Variants in PSMD12 observed in about 807,000 individuals in gnomAD.
PSMD12 encodes proteasome 26S subunit, non-ATPase 12.
PSMD12 carries 8 observed loss-of-function variants against 62.9 expected under a neutral mutation model. That is an observed-to-expected ratio of 0.13 (90% CI 0.07 to 0.23). The LOEUF (loss-of-function observed/expected upper bound fraction) is 0.23. Ranked by LOEUF, PSMD12 falls within the 10% of genes least tolerant of loss-of-function variation. PSMD12 has a pLI of 1.00. For synonymous variants in PSMD12, 173 were observed against 187.4 expected, an observed-to-expected ratio of 0.92 and a Z score of 0.63; for missense variants, 424 against 550.2, an observed-to-expected ratio of 0.77 and a Z score of 2.29.
chr17:67,342,191 C>T lies in PSMD12; in HGVS notation c.1156G>A (p.Val386Ile), dbSNP rs749026413. The change falls in exon 10 of 11, where the codon GTT becomes ATT. Residue 386 changes from valine to isoleucine, a missense_variant. Val to Ile is a conservative substitution (Grantham distance 29). Coordinates refer to ENST00000356126, the MANE Select transcript of PSMD12 (RefSeq NM_002816.5). ...KRMAQLLDLS[V>I]DESEAFLSNL... The stretch of plus-strand genomic sequence containing the variant: ...CAAAGTTGATTACTACTTACATCAA[C>T]AGATAGATCCAGAAGCTGTGCCATC... 10 of 1,566,434 alleles carry T rather than the reference C, an allele frequency of 6.4e-6. No individual in the cohort carries two copies. The African/African-American group carries it at 1.4e-4, about 21-fold the overall frequency.
intron 1 of PSMD12, among the ~76,000 whole-genome samples, chr17:67,363,859 G>A (rs1393352002): frequency 6.6e-6 from 1 of 152,094 alleles, no homozygotes; most frequent in Non-Finnish European, 1.5e-5. Context: ...AGACCATCCT[G>A]ACCAACATGG....
At chr17:67,365,859 C>G (rs994327973) in intron 1 of PSMD12, among the ~76,000 whole-genome samples, 1 of 152,050 alleles carries the variant, frequency 6.6e-6, no homozygotes, top group Non-Finnish European at 1.5e-5. Context: ...TCCAGTAACA[C>G]TTTCCCCTTG....
intron 1 of PSMD12, among the ~76,000 whole-genome samples, chr17:67,364,456 G>A (rs2042161503): frequency 6.6e-6 from 1 of 152,198 alleles, no homozygotes; most frequent in African/African-American, 2.4e-5. Flanking sequence ...TGATCTATAA[G>A]CTGTTCGAGG....
In PSMD12 at chr17:67,339,280, G is replaced by T. The variant is rs1490002459; in HGVS notation, c.*1563C>A. The T allele has an allele frequency of 7.3e-6, 1 of 136,712 alleles. No individual in the cohort carries two copies. The highest frequency in any genetic ancestry group is 1.6e-5 in the Non-Finnish European group (1 of 61,330). The allele number at this position is 136,712 out of a possible 1,614,324, so 8.5% of individuals were successfully genotyped here. A position where few individuals can be genotyped will look rare whatever the true frequency, so the allele number is the denominator to read the frequency against. On this transcript the variant is annotated 3_prime_UTR_variant, in exon 11 of 11. Coordinates refer to ENST00000356126, the MANE Select transcript of PSMD12 (RefSeq NM_002816.5). ...ACGCCACCACGCCCGGCAAATTTTTGTATTTTTTTTAGTAGAGACAGGGTT... is the reference window on the plus strand; with the variant it reads ...ACGCCACCACGCCCGGCAAATTTTTTTATTTTTTTTAGTAGAGACAGGGTT...
intron 9 of PSMD12, 159 bp from the exon 10 acceptor site, chr17:67,342,422 A>C: frequency 3.8e-6 from 2 of 520,972 alleles, no homozygotes; most frequent in Non-Finnish European, 6.8e-6. Flanking sequence ...TCTAAGTTTC[A>C]ATAACAAAAC....
chr17:67,343,005 C>T (rs566825904), intron 9 of PSMD12, among the ~76,000 whole-genome samples: 1 of 151,310 alleles, frequency 6.6e-6, no homozygotes, highest in Admixed American at 6.6e-5. Flanking sequence ...ATTCCAATGA[C>T]TTAAAGATAG....
Position 67,340,621 on chromosome 17 carries a change from T to C in PSMD12, c.*222A>G, listed in dbSNP as rs1367429549. The C allele has an allele frequency of 2.4e-6, 1 of 415,914 alleles. No homozygotes were observed. Among genetic ancestry groups the C allele is most frequent in the Admixed American group, 4.5e-5 (1 of 21,984 alleles). 25.8% of individuals were successfully genotyped at this position (415,914 alleles called of 1,614,324 possible). On this transcript the variant is annotated 3_prime_UTR_variant, in exon 11 of 11. Transcript: ENST00000356126. ...CTGGGTAAGTTATGACACAACTTTTTGTGTATTCAGACGACAGAAATCTGT... is the reference window on the plus strand; with the variant it reads ...CTGGGTAAGTTATGACACAACTTTTCGTGTATTCAGACGACAGAAATCTGT...
intron 3 of PSMD12, among the ~76,000 whole-genome samples, chr17:67,353,223 G>A (rs1598567734): frequency 1.3e-5 from 2 of 152,134 alleles, no homozygotes; most frequent in African/African-American, 4.8e-5. Flanking sequence ...CCTTGGGCTC[G>A]AGTGACAGAC....
chr17:67,345,712 G>A, intron 8 of PSMD12, 33 bp downstream of exon 8: 1 of 1,540,320 alleles, frequency 6.5e-7, no homozygotes, highest in Non-Finnish European at 9.0e-7. Flanking sequence ...TGTTTCGACT[G>A]AGATATATCA....
chr17:67,354,737 C>G (rs193287316), intron 3 of PSMD12, among the ~76,000 whole-genome samples: 2 of 152,238 alleles, frequency 1.3e-5, no homozygotes, highest in Admixed American at 1.3e-4. Context: ...TGCCTGTAAT[C>G]CCAGCACTTT....
At chr17:67,348,733 C>T in intron 4 of PSMD12, 79 bp from the exon 5 acceptor site, 2 of 1,243,922 alleles carry the variant, frequency 1.6e-6, no homozygotes, top group South Asian at 1.3e-5. Flanking sequence ...TATGTTGGCT[C>T]ACACCTGTAA....
At chr17:67,350,835 A>G (rs1362389116) in intron 3 of PSMD12, among the ~76,000 whole-genome samples, 1 of 152,244 alleles carries the variant, frequency 6.6e-6, no homozygotes, top group African/African-American at 2.4e-5. Flanking sequence ...CACTCCCTTC[A>G]GCACTAACAT....
chr17:67,364,066 A>T (rs1438680830), intron 1 of PSMD12, among the ~76,000 whole-genome samples: 3 of 152,166 alleles, frequency 2.0e-5, no homozygotes, highest in Non-Finnish European at 4.4e-5. Context: ...AAAAATAAAA[A>T]AAATAAATAA....
intron 9 of PSMD12, among the ~76,000 whole-genome samples, chr17:67,344,393 C>T (rs1416799286): frequency 6.6e-6 from 1 of 152,032 alleles, no homozygotes; most frequent in African/African-American, 2.4e-5. Flanking sequence ...GCAGAGTAAA[C>T]ATCTGAACAC....
intron 9 of PSMD12, among the ~76,000 whole-genome samples, chr17:67,343,543 C>A (rs905018928): frequency 3.3e-5 from 5 of 152,144 alleles, no homozygotes; most frequent in African/African-American, 9.7e-5. Flanking sequence ...CCTCAATCAT[C>A]GATTCATCCG....
intron 1 of PSMD12, among the ~76,000 whole-genome samples, chr17:67,358,033 T>C (rs898214822): frequency 6.6e-6 from 1 of 152,088 alleles, no homozygotes; most frequent in African/African-American, 2.4e-5. Flanking sequence ...GCGATTCTCA[T>C]GCCTCAGCCT....
At chr17:67,348,748 G>A (rs2041991881) in intron 4 of PSMD12, 94 bp from the exon 5 acceptor site, 1 of 1,052,542 alleles carries the variant, frequency 9.5e-7, no homozygotes, top group Non-Finnish European at 1.4e-6. Context: ...CTGTAATCCT[G>A]ACATTTTGGA....
In PSMD12 at chr17:67,357,351, A is replaced by C. The variant is rs2042084606; in HGVS notation, c.249T>G (p.Leu83=). The C allele has an allele frequency of 1.2e-6, 2 of 1,613,724 alleles. No homozygotes were observed. The highest frequency in any genetic ancestry group is 3.3e-5 in the Admixed American group (2 of 59,978). ...TGGACAAAAGCATAATATTTTCATT[A>C]AGTAAATCCCATTCTTTAGCCTCAT... ...MCYEAKEWDL[L]NENIMLLSKR... Residue 83 remains leucine, a synonymous_variant, in exon 3 of 11, where the codon CTT becomes CTG. Transcript: ENST00000356126.
chr17:67,361,630 C>G (rs1211800062), intron 1 of PSMD12, among the ~76,000 whole-genome samples: 1 of 152,000 alleles, frequency 6.6e-6, no homozygotes, highest in African/African-American at 2.4e-5. Flanking sequence ...GTCCAATACT[C>G]CCCCTACATA....
Sources: allele counts gnomAD v4.1 joint callset (sites outside exome capture counted in the v4.1 genomes callset), GRCh38; gene constraint gnomAD v4.1.1; transcripts MANE v1.5; gene names NCBI Gene and HGNC (gene_info 2026-07-23, HGNC 2026-07-21).